The following NELL1 variants were observed in gnomAD, a reference collection of about 807,000 sequenced individuals.
NELL1 encodes the protein protein kinase C-binding protein NELL1.
In NELL1, 76 loss-of-function variants were observed where a neutral mutation model predicts 107.4. That is an observed-to-expected ratio of 0.71 (90% CI 0.59 to 0.86). The LOEUF (loss-of-function observed/expected upper bound fraction) is 0.86. Ranked by LOEUF, NELL1 falls within the 40% of genes least tolerant of loss-of-function variation. NELL1 has a pLI of 0.00. For synonymous variants in NELL1, 353 were observed against 341.2 expected (o/e 1.03, Z -0.38); for missense variants, 1,024 against 1,005.5 (o/e 1.02, Z -0.25).
intron 11 of NELL1, among the ~76,000 whole-genome samples, chr11:20,949,078 A>G (rs1851022669): frequency 6.6e-6 from 1 of 152,218 alleles, no homozygotes; most frequent in Non-Finnish European, 1.5e-5. Context: ...AGTTAGCAAG[A>G]AAGCAACATA....
rs146288077 is a variant in NELL1 at position 21,442,799 on chromosome 11, G to T, written c.1645+71851G>T. Among the ~76,000 whole-genome samples the T allele has an allele frequency of 7.6e-4, 116 of 152,178 alleles. 1 individual carries two copies. The highest frequency in any genetic ancestry group is 2.6e-3 in the African/African-American group (110 of 41,528). On this transcript the variant is annotated intron_variant, in intron 15 of 19. Coordinates refer to ENST00000357134, the MANE Select transcript of NELL1 (RefSeq NM_006157.5). ...AACAATAATACAGCACCATTTTGGA[G>T]AGTTTACCTAAGTGAGGGGCAAGGC...
At chr11:20,801,716 T>C (rs967072612) in intron 3 of NELL1, among the ~76,000 whole-genome samples, 2 of 152,214 alleles carry the variant, frequency 1.3e-5, no homozygotes, top group African/African-American at 4.8e-5. Flanking sequence ...TTTGAGGTTT[T>C]AGGCTTAAGT....
intron 15 of NELL1, among the ~76,000 whole-genome samples, chr11:21,376,260 G>T (rs1201017837): frequency 6.6e-6 from 1 of 151,992 alleles, no homozygotes; most frequent in African/African-American, 2.4e-5. Context: ...TTATTCTTGT[G>T]CATATGGCTA....
intron 17 of NELL1, among the ~76,000 whole-genome samples, chr11:21,564,708 A>G (rs1056095329): frequency 4.0e-5 from 6 of 151,880 alleles, no homozygotes; most frequent in African/African-American, 1.2e-4. Flanking sequence ...GGGTTTAGAG[A>G]TGAGTAGGGA....
At chr11:20,876,657 T>C (rs6416030) in intron 4 of NELL1, among the ~76,000 whole-genome samples, 130,505 of 151,976 alleles carry the variant, frequency 0.86, 56,055 homozygotes, top group East Asian at 0.92. Flanking sequence ...CCCAGCTACT[T>C]GGGAGGCTGA....
intron 5 of NELL1, among the ~76,000 whole-genome samples, chr11:20,913,458 C>T (rs1850177403): frequency 6.6e-6 from 1 of 151,952 alleles, no homozygotes; most frequent in South Asian, 2.1e-4. Context: ...ACAAGAGGGA[C>T]CTAATTGGAT....
chr11:20,953,468 G>A (rs368848773), intron 11 of NELL1, among the ~76,000 whole-genome samples: 2 of 152,234 alleles, frequency 1.3e-5, no homozygotes, highest in South Asian at 4.2e-4. Context: ...ACATAAAGTG[G>A]GATTTGGAGA....
chr11:20,869,440 TG>T (rs1392415190), intron 4 of NELL1, among the ~76,000 whole-genome samples: 4 of 152,218 alleles, frequency 2.6e-5, no homozygotes, highest in Non-Finnish European at 1.5e-5. Context: ...TTCAAAGTGC[TG>T]ATGGACAATT....
At chr11:21,270,702 C>T (rs1225220511) in intron 14 of NELL1, among the ~76,000 whole-genome samples, 1 of 152,164 alleles carries the variant, frequency 6.6e-6, no homozygotes, top group African/African-American at 2.4e-5. Context: ...TGAACTACAT[C>T]ATTCAGTGAC....
At chr11:20,735,918 G>A (rs951006654) in intron 2 of NELL1, among the ~76,000 whole-genome samples, 1 of 152,154 alleles carries the variant, frequency 6.6e-6, no homozygotes, top group South Asian at 2.1e-4. Flanking sequence ...GTATGATGCA[G>A]TAGAGGGGTT....
intron 2 of NELL1, among the ~76,000 whole-genome samples, chr11:20,746,584 ACACACACACAC>A (rs1856008600): frequency 6.6e-6 from 1 of 151,010 alleles, no homozygotes; most frequent in African/African-American, 2.4e-5. Context: ...ACACACACAC[ACACACACACAC>A]ACACACACAC....
intron 15 of NELL1, among the ~76,000 whole-genome samples, chr11:21,477,000 C>A (rs1378739275): frequency 2.0e-5 from 3 of 152,052 alleles, no homozygotes; most frequent in African/African-American, 7.2e-5. Flanking sequence ...CTCTGGTGTC[C>A]TAAATAAACT....
chr11:20,919,142 C>T, intron 6 of NELL1, 110 bp from the exon 7 acceptor site: 1 of 536,834 alleles, frequency 1.9e-6, no homozygotes, highest in Non-Finnish European at 3.1e-6. Flanking sequence ...CAATGTCAAC[C>T]AAAAAAACCC....
intron 15 of NELL1, among the ~76,000 whole-genome samples, chr11:21,507,992 G>A (rs1006196804): frequency 1.3e-5 from 2 of 151,914 alleles, no homozygotes; most frequent in African/African-American, 2.4e-5. Flanking sequence ...ATATTGCCCA[G>A]GCTGGTCTTG....
In NELL1 at chr11:21,257,789, G is replaced by C. The variant is rs1858806875; in HGVS notation, c.1549+28335G>C. Among the ~76,000 whole-genome samples the C allele has an allele frequency of 3.3e-5, 5 of 151,944 alleles. 1 individual carries two copies. The highest frequency in any genetic ancestry group is 3.3e-4 in the Admixed American group (5 of 15,248). ...GTGGCTAAAGTGGCCACCTGAATGA[G>C]AGCTGTTGCTCATGCCAGTTTAATG... On this transcript the variant is annotated intron_variant, in intron 14 of 19. Coordinates refer to ENST00000357134, the MANE Select transcript of NELL1 (RefSeq NM_006157.5).
intron 13 of NELL1, among the ~76,000 whole-genome samples, chr11:21,151,640 A>C (rs1030944149): frequency 3.3e-5 from 5 of 152,226 alleles, no homozygotes; most frequent in Admixed American, 2.0e-4. Context: ...TTTAAAGATT[A>C]AATGGGATAA....
chr11:21,218,826 C>A (rs1002724912), intron 13 of NELL1, among the ~76,000 whole-genome samples: 7 of 152,044 alleles, frequency 4.6e-5, no homozygotes, highest in Non-Finnish European at 1.0e-4. Flanking sequence ...GGATTTTATT[C>A]TTTTTATTAC....
chr11:20,992,483 A>G (rs1290959208), intron 12 of NELL1, among the ~76,000 whole-genome samples: 1 of 152,172 alleles, frequency 6.6e-6, no homozygotes, highest in African/African-American at 2.4e-5. Flanking sequence ...TTAGGAAAGG[A>G]GATCCAGAGA....
At chr11:21,114,575 C>T (rs536259538) in intron 13 of NELL1, among the ~76,000 whole-genome samples, 2 of 151,728 alleles carry the variant, frequency 1.3e-5, no homozygotes, top group African/African-American at 4.8e-5. Flanking sequence ...TCTGAATGAC[C>T]TTTTCAGAAG....
Sources: allele counts gnomAD v4.1 joint callset (sites outside exome capture counted in the v4.1 genomes callset), GRCh38; gene constraint gnomAD v4.1.1; transcripts MANE v1.5; gene names NCBI Gene and HGNC (gene_info 2026-07-23, HGNC 2026-07-21).